Variants in SLIT1 observed in about 807,000 individuals in gnomAD.
SLIT1 encodes the protein slit homolog 1 protein.
SLIT1 carries 66 observed loss-of-function variants against 186.1 expected under a neutral mutation model. The ratio of observed to expected loss-of-function variants is 0.35; its 90% CI spans 0.29 to 0.44. The LOEUF is 0.44. SLIT1 is among the 20% of genes least tolerant of loss of function. SLIT1 has a pLI of 1.00. For missense variants in SLIT1, 1,638 were observed against 2,037.4 expected, an observed-to-expected ratio of 0.80 and a Z score of 3.77; for synonymous variants, 761 against 833.8, an observed-to-expected ratio of 0.91 and a Z score of 1.50.
chr10:97,164,465 T>G (rs114699825), intron 2 of SLIT1, among the ~76,000 whole-genome samples: 2,296 of 152,012 alleles, frequency 0.015, 62 homozygotes, highest in African/African-American at 0.053. Flanking sequence ...GGTTGGGGGT[T>G]TCTGGAGCAG....
chr10:97,111,235 T>C (rs921633927), intron 4 of SLIT1, among the ~76,000 whole-genome samples: 1 of 150,816 alleles, frequency 6.6e-6, no homozygotes. Flanking sequence ...GACCCTAATA[T>C]AGGTAAGGAC....
At position 97,042,893 on chromosome 10, in the gene SLIT1, C is replaced by T. The variant is rs759553481; in HGVS notation, c.2164+8G>A. ...CCTCTCCCTTGCCACCGGGGGGCCACGAGTTACCTTCCTCACACCTGAAGT... is the reference window on the plus strand; with the variant it reads ...CCTCTCCCTTGCCACCGGGGGGCCATGAGTTACCTTCCTCACACCTGAAGT... On this transcript the variant is annotated splice_region_variant and intron_variant, in intron 20 of 36. Coordinates refer to ENST00000266058, the MANE Select transcript of SLIT1 (RefSeq NM_003061.3). 5.6e-6 allele frequency: 9 copies of T among 1,612,618 alleles called. No homozygotes were observed. The highest frequency in any genetic ancestry group is 4.5e-5 in the East Asian group (2 of 44,854).
intron 4 of SLIT1, among the ~76,000 whole-genome samples, chr10:97,135,613 C>T (rs187062556): frequency 1.2e-4 from 18 of 152,278 alleles, no homozygotes; most frequent in Admixed American, 9.1e-4. Context: ...GGAGAGGTAA[C>T]CCCAGGGGGC....
rs144930720 is a variant in SLIT1 at position 97,042,999 on chromosome 10, C to A, written c.2066G>T (p.Arg689Leu). 3 of 1,614,228 alleles carry A rather than the reference C, an allele frequency of 1.9e-6. No homozygotes were observed. Among genetic ancestry groups the A allele is most frequent in the Non-Finnish European group, 2.5e-6 (3 of 1,180,034 alleles). ...LAWLGGWLRK[R>L]KIVTGNPRCQ... ...TCGCGGGTTCCCCGTCACGATCTTGCGCTTCCGTAGCCAGCCTCCTAGCCA... is the reference window on the plus strand; with the variant it reads ...TCGCGGGTTCCCCGTCACGATCTTGAGCTTCCGTAGCCAGCCTCCTAGCCA... Residue 689 changes from arginine (R) to leucine (L), a missense_variant, in exon 20 of 37, where the codon CGC (arginine) becomes CTC (leucine). Transcript: ENST00000266058.
Position 97,030,746 on chromosome 10 carries a change from A to G in SLIT1, c.2582+11T>C. 1 of 1,609,586 alleles carries G rather than the reference A, an allele frequency of 6.2e-7. No homozygotes were observed. Among genetic ancestry groups the G allele is most frequent in the Non-Finnish European group, 8.5e-7 (1 of 1,176,074 alleles). On this transcript the variant is annotated intron_variant, in intron 25 of 36. Transcript: ENST00000266058. ...CCAAAGAGGCCCAGAGAAAGGGGCTAGGGTACTCACAGGTGAGACAGGGAG... is the reference window on the plus strand; with the variant it reads ...CCAAAGAGGCCCAGAGAAAGGGGCTGGGGTACTCACAGGTGAGACAGGGAG...
chr10:97,178,450 G>A (rs1337415505), intron 1 of SLIT1, among the ~76,000 whole-genome samples: 1 of 152,190 alleles, frequency 6.6e-6, no homozygotes, highest in Non-Finnish European at 1.5e-5. Context: ...TCCAGGTCAA[G>A]GAAAACAAAG....
At chr10:97,128,086 T>C (rs1487013057) in intron 4 of SLIT1, among the ~76,000 whole-genome samples, 1 of 151,288 alleles carries the variant, frequency 6.6e-6, no homozygotes, top group Admixed American at 6.6e-5. Context: ...TCTCGGGCCT[T>C]GCATTGACGC....
Position 97,018,625 on chromosome 10 carries a change from C to T in SLIT1, c.2930G>A (p.Gly977Asp). 1 of 1,595,702 alleles carries T rather than the reference C, an allele frequency of 6.3e-7. No homozygotes were observed. Among genetic ancestry groups the T allele is most frequent in the Non-Finnish European group, 8.5e-7 (1 of 1,171,354 alleles). ...CTCGCCCTCCTGTGCATGGCAGGTG[C>T]CCCCATTTTCACAGGGGCCACTGGA... ...SCSSGPCENG[G>D]TCHAQEGEDA... Residue 977 changes from glycine (G) to aspartate (D), a missense_variant, in exon 28 of 37, where the codon GGC becomes GAC. By Grantham distance (94) the Gly-to-Asp change is moderately conservative (BLOSUM62 -1). Coordinates refer to ENST00000266058, the MANE Select transcript of SLIT1 (RefSeq NM_003061.3).
chr10:97,119,941 A>ATATATATATG (rs1179888328), intron 4 of SLIT1, among the ~76,000 whole-genome samples: 11 of 137,236 alleles, frequency 8.0e-5, no homozygotes, highest in Admixed American at 2.9e-4. Context: ...ATATATATAT[A>ATATATATATG]TATATGTATA....
Position 97,146,334 on chromosome 10 carries a change from A to G in SLIT1, c.413+11484T>C, listed in dbSNP as rs149645709. ...ACTAGGAGGTGGTGAGTCCTGGCCC[A>G]TCCTAACCAAAAATTGAGTTGGTCA... On this transcript the variant is annotated intron_variant, in intron 4 of 36. Transcript: ENST00000266058. Among the ~76,000 whole-genome samples the G allele has an allele frequency of 3.0e-3, 450 of 152,290 alleles. 2 individuals carry two copies. The highest frequency in any genetic ancestry group is 0.01 in the African/African-American group (422 of 41,566).
chr10:97,042,740 C>T (rs563296708), intron 20 of SLIT1, among the ~76,000 whole-genome samples, 161 bp downstream of exon 20: 27 of 152,286 alleles, frequency 1.8e-4, no homozygotes, highest in Admixed American at 3.9e-4. Flanking sequence ...CAGGCAGGCG[C>T]GTCTCCTCCT....
chr10:97,027,726 CT>C (rs1282588551), intron 25 of SLIT1, among the ~76,000 whole-genome samples: 3 of 152,160 alleles, frequency 2.0e-5, no homozygotes, highest in Non-Finnish European at 4.4e-5. Flanking sequence ...GTTTTTGCAG[CT>C]TTGGTTTTTT....
chr10:97,076,278 C>T (rs1224164268), intron 4 of SLIT1, among the ~76,000 whole-genome samples: 1 of 152,188 alleles, frequency 6.6e-6, no homozygotes, highest in Non-Finnish European at 1.5e-5. Context: ...GCTCCCTGCT[C>T]AGGCCAGGGA....
At chr10:97,003,080 C>T in intron 34 of SLIT1, 88 bp from the exon 35 acceptor site, 2 of 1,314,414 alleles carry the variant, frequency 1.5e-6, no homozygotes, top group Non-Finnish European at 2.1e-6. Context: ...GCTCCATGGC[C>T]TTCCCTCTTG....
intron 4 of SLIT1, among the ~76,000 whole-genome samples, chr10:97,111,883 A>T (rs1849468144): frequency 6.6e-6 from 1 of 152,142 alleles, no homozygotes; most frequent in African/African-American, 2.4e-5. Flanking sequence ...GGACCACAGG[A>T]TGCTGTTTGT....
chr10:97,026,592 C>T (rs149119899), intron 25 of SLIT1, among the ~76,000 whole-genome samples: 66 of 152,304 alleles, frequency 4.3e-4, no homozygotes, highest in South Asian at 2.9e-3. Flanking sequence ...TCCTTTCATG[C>T]CAAATTCTTA....
At chr10:97,005,853 G>A (rs940977941) in intron 32 of SLIT1, among the ~76,000 whole-genome samples, 2 of 152,210 alleles carry the variant, frequency 1.3e-5, no homozygotes, top group Non-Finnish European at 2.9e-5. Context: ...TGTGGCATTT[G>A]TGACAGGGAA....
At chr10:97,048,260 G>A (rs1383592724) in intron 14 of SLIT1, among the ~76,000 whole-genome samples, 3 of 152,316 alleles carry the variant, frequency 2.0e-5, no homozygotes, top group Non-Finnish European at 4.4e-5. Flanking sequence ...ACGAGGTGGG[G>A]ACTGTGCTAA....
rs1413319790 is a variant in SLIT1, at chr10:97,021,719, T to C, written c.2583-306A>G. On this transcript the variant is annotated intron_variant, in intron 25 of 36. Transcript: ENST00000266058. The surrounding 1 kb of genome is among the most constrained non-coding windows in gnomAD (Gnocchi z 4.5). ...CTGGGATTACAGACACACACCGCCATGCACAGCTAATTTTTGTATTTTTAG... is the reference window on the plus strand; with the variant it reads ...CTGGGATTACAGACACACACCGCCACGCACAGCTAATTTTTGTATTTTTAG... Among the ~76,000 whole-genome samples, 1 of 152,104 alleles carries C rather than the reference T, an allele frequency of 6.6e-6. No individual in the cohort carries two copies. The highest frequency in any genetic ancestry group is 1.5e-5 in the Non-Finnish European group (1 of 68,014).
Sources: allele counts gnomAD v4.1 joint callset (sites outside exome capture counted in the v4.1 genomes callset), GRCh38; gene constraint gnomAD v4.1.1; non-coding constraint Gnocchi (gnomAD v3.1); transcripts MANE v1.5; gene names NCBI Gene and HGNC (gene_info 2026-07-23, HGNC 2026-07-21).